Variants in ACIN1 observed in about 807,000 individuals in gnomAD.
ACIN1 encodes apoptotic chromatin condensation inducer in the nucleus.
ACIN1 carries 16 observed loss-of-function variants against 146.6 expected under a neutral mutation model. That is an observed-to-expected ratio of 0.11 (90% CI 0.07 to 0.17). The LOEUF is 0.17. Ranked by LOEUF, ACIN1 falls within the 10% of genes least tolerant of loss-of-function variation. The pLI, the probability that ACIN1 is intolerant of heterozygous loss-of-function variation, is 1.00. For missense variants in ACIN1, 1,357 were observed against 1,609.3 expected (o/e 0.84, Z 2.68); for synonymous variants, 569 against 582.7 (o/e 0.98, Z 0.34).
chr14:23,094,704 G>C, intron 1 of ACIN1: 2 of 657,252 alleles, frequency 3.0e-6, no homozygotes, highest in Non-Finnish European at 2.4e-6. Flanking sequence ...ACAAGGAGGG[G>C]GTGGGGGAAG....
chr14:23,085,672 A>G (rs1286980300), intron 4 of ACIN1, among the ~76,000 whole-genome samples: 2 of 152,176 alleles, frequency 1.3e-5, no homozygotes, highest in African/African-American at 4.8e-5. Flanking sequence ...GCAAAATATA[A>G]AGAGATGAGG....
chr14:23,066,919 G>GT (rs747317999), intron 9 of ACIN1, among the ~76,000 whole-genome samples: 2 of 152,206 alleles, frequency 1.3e-5, no homozygotes, highest in East Asian at 3.9e-4. Flanking sequence ...AGGGAATAGA[G>GT]TATTTTCAAG....
At chr14:23,078,106 C>T (rs2047846762) in intron 8 of ACIN1, 45 bp downstream of exon 8, 3 of 1,560,906 alleles carry the variant, frequency 1.9e-6, no homozygotes, top group Non-Finnish European at 2.6e-6. Flanking sequence ...AACTATCGCA[C>T]ACTCATAGTT....
At chr14:23,082,840 A>C (rs2047982819) in intron 4 of ACIN1, among the ~76,000 whole-genome samples, 1 of 151,992 alleles carries the variant, frequency 6.6e-6, no homozygotes, top group East Asian at 1.9e-4. Flanking sequence ...CCCAGGTTCA[A>C]GCGATTCTCC....
intron 1 of ACIN1, among the ~76,000 whole-genome samples, chr14:23,094,103 T>C (rs1220627178): frequency 1.1e-5 from 1 of 92,454 alleles, no homozygotes; most frequent in Non-Finnish European, 2.9e-5. Context: ...ACCTAGTCTA[T>C]CCACACAAAC....
chr14:23,061,302 C>T lies in ACIN1; in HGVS notation c.3420G>A (p.Lys1140=), dbSNP rs1190338406. The change falls in exon 17 of 19, where the codon AAG becomes AAA. Residue 1140 remains lysine, a synonymous_variant. Transcript: ENST00000605057. ...RAKSKEKKSE[K]KEKAQEEPPA... ...ACCCCATAGCTAAGTACCTACCTTT[C>T]TTCTCACTCTTCTTTTCTTTAGACT... 1 of 1,613,756 alleles carries T rather than the reference C, an allele frequency of 6.2e-7. No individual in the cohort carries two copies. Among genetic ancestry groups the T allele is most frequent in the South Asian group, 1.1e-5 (1 of 91,048 alleles).
chr14:23,082,557 G>T (rs2047974430), intron 4 of ACIN1, among the ~76,000 whole-genome samples: 1 of 146,598 alleles, frequency 6.8e-6, no homozygotes, highest in African/African-American at 2.5e-5. Flanking sequence ...CCAGTCTCAT[G>T]CCTCAGCCTC....
At chr14:23,092,969 T>C (rs910152570) in intron 2 of ACIN1, among the ~76,000 whole-genome samples, 31 of 152,234 alleles carry the variant, frequency 2.0e-4, no homozygotes, top group African/African-American at 7.5e-4. Context: ...TTGTTTCTTA[T>C]CCTAAGTAAA....
intron 2 of ACIN1, among the ~76,000 whole-genome samples, chr14:23,092,603 G>A (rs547337377): frequency 1.2e-3 from 185 of 152,266 alleles, no homozygotes; most frequent in African/African-American, 4.3e-3. Context: ...TACTGAGGCT[G>A]CACACTATTG....
intron 8 of ACIN1, among the ~76,000 whole-genome samples, chr14:23,072,058 T>C (rs1288496206): frequency 6.6e-6 from 1 of 152,192 alleles, no homozygotes; most frequent in Non-Finnish European, 1.5e-5. Flanking sequence ...ACCAGTCAGA[T>C]GCTGCAGGTA....
intron 10 of ACIN1, 181 bp from the exon 11 acceptor site, chr14:23,064,669 C>A (rs2047394027): frequency 5.3e-6 from 4 of 756,978 alleles, no homozygotes; most frequent in Non-Finnish European, 8.3e-6. Flanking sequence ...GAGGCCAAGG[C>A]GGGTGGATCA....
chr14:23,090,223 A>T (rs1201746707), intron 3 of ACIN1, 122 bp from the exon 4 acceptor site: 3 of 1,359,288 alleles, frequency 2.2e-6, no homozygotes, highest in Admixed American at 2.7e-5. Context: ...CAAAAAGAGC[A>T]CCGTATAAAA....
intron 8 of ACIN1, among the ~76,000 whole-genome samples, chr14:23,075,000 T>C (rs1329415646): frequency 2.0e-5 from 3 of 152,170 alleles, no homozygotes; most frequent in African/African-American, 4.8e-5. Flanking sequence ...GATTTTGGGG[T>C]ATATGTCCTT....
At chr14:23,083,228 A>G (rs1015042322) in intron 4 of ACIN1, among the ~76,000 whole-genome samples, 4 of 151,556 alleles carry the variant, frequency 2.6e-5, no homozygotes. Context: ...CTTTTTAGAC[A>G]GTGTTTTACT....
chr14:23,061,018 T>A (rs145738531), intron 18 of ACIN1, 66 bp downstream of exon 18: 102 of 1,466,838 alleles, frequency 7.0e-5, no homozygotes, highest in Non-Finnish European at 9.2e-5. Flanking sequence ...GTCACATGAA[T>A]CTCCCCTCAC....
At chr14:23,095,581 C>T (rs982471225), upstream of ACIN1, 3 of 399,954 alleles carry the variant, frequency 7.5e-6, no homozygotes, top group Admixed American at 8.5e-5. Context: ...TCTAAGGACT[C>T]GTGACAATCT....
chr14:23,077,515 C>T (rs1055544914), intron 8 of ACIN1, among the ~76,000 whole-genome samples: 11 of 152,110 alleles, frequency 7.2e-5, no homozygotes, highest in Non-Finnish European at 1.6e-4. Context: ...CTAATTTAAC[C>T]TGATATGAGT....
In ACIN1 at chr14:23,078,274, G is replaced by A. The variant is rs749790454; in HGVS notation, c.2008-8C>T. ...ACACTTCTTTGGGCTCCCCTGTCAG[G>A]AGATAGCAAAAACGAACAGAGCAAA... On this transcript the variant is annotated splice_polypyrimidine_tract_variant and splice_region_variant and intron_variant, in intron 7 of 18. Coordinates refer to ENST00000605057, the MANE Select transcript of ACIN1 (RefSeq NM_001386863.1). 3.1e-6 allele frequency: 5 copies of A among 1,613,486 alleles called. No homozygotes were observed. In the South Asian group the frequency reaches 5.5e-5, roughly 18 times the overall value.
chr14:23,094,584 T>G, intron 1 of ACIN1: 12 of 957,204 alleles, frequency 1.3e-5, no homozygotes, highest in South Asian at 4.8e-5. Context: ...CGCGCAACTA[T>G]ACCCCTAACT....
Sources: allele counts gnomAD v4.1 joint callset (sites outside exome capture counted in the v4.1 genomes callset), GRCh38; gene constraint gnomAD v4.1.1; transcripts MANE v1.5; gene names NCBI Gene and HGNC (gene_info 2026-07-23, HGNC 2026-07-21).